Variants in C7 observed in about 807,000 individuals in gnomAD.
C7 encodes the protein complement component C7.
A neutral mutation model predicts 104.8 loss-of-function variants in C7; 83 were observed. That is an observed-to-expected ratio of 0.79 (90% CI 0.66 to 0.95). The LOEUF is 0.95. Among genes scored for constraint, C7 ranks in the 40% least tolerant of loss-of-function variants. The pLI is 0.00. For synonymous variants in C7, 415 were observed against 360.6 expected (o/e 1.15, Z -1.71); for missense variants, 1,070 against 1,011.2 (o/e 1.06, Z -0.79).
chr5:40,952,443 T>TA (rs972054658), intron 9 of C7, among the ~76,000 whole-genome samples: 1 of 151,756 alleles, frequency 6.6e-6, no homozygotes, highest in East Asian at 1.9e-4. Flanking sequence ...GCTAAAGCCT[T>TA]AAAAAAACAT....
At chr5:40,931,272 G>C in intron 3 of C7, 133 bp downstream of exon 3, 1 of 661,400 alleles carries the variant, frequency 1.5e-6, no homozygotes, top group Non-Finnish European at 2.7e-6. Flanking sequence ...TAATTTTGAG[G>C]GGAGAAAAGT....
At chr5:40,931,240 T>C in intron 3 of C7, 101 bp downstream of exon 3, 1 of 821,546 alleles carries the variant, frequency 1.2e-6, no homozygotes, top group African/African-American at 1.7e-5. Context: ...ATAGTGTCAA[T>C]ATTTTTTGAA....
chr5:40,955,428 G>T lies in C7; in HGVS notation c.1135G>T (p.Gly379Trp), dbSNP rs121964921. 42 of 1,612,042 alleles carry T rather than the reference G, an allele frequency of 2.6e-5. No individual in the cohort carries two copies. The Admixed American group carries it at 6.0e-4, about 23-fold the overall frequency. The stretch of plus-strand genomic sequence containing the variant: ...ATTGCGAGGAGAACCGTTCATCAGA[G>T]GGGGAGGTGCAGGCTTCATATCTGG... The part of the protein sequence containing the change: ...NVLRGEPFIR[G>W]GGAGFISGLS... Residue 379 changes from glycine to tryptophan, a missense_variant, in exon 10 of 18, where the codon GGG (glycine) becomes TGG (tryptophan). Physicochemically the swap from Gly to Trp is radical, Grantham distance 184. Transcript: ENST00000313164.
chr5:40,964,513 A>G (rs1740501713), intron 13 of C7: 6 of 367,164 alleles, frequency 1.6e-5, no homozygotes, highest in Non-Finnish European at 2.5e-5. Flanking sequence ...GTATTTTGGG[A>G]GCAATCAATA....
At chr5:40,967,328 T>A (rs1740578725) in intron 14 of C7, among the ~76,000 whole-genome samples, 1 of 152,190 alleles carries the variant, frequency 6.6e-6, no homozygotes, top group African/African-American at 2.4e-5. Context: ...CCTCCCAAAG[T>A]GTTGAGATTA....
Position 40,981,777 on chromosome 5 carries a change from C to G in C7, c.*204C>G. 1 of 492,600 alleles carries G rather than the reference C, an allele frequency of 2.0e-6. No individual in the cohort carries two copies. Among genetic ancestry groups the G allele is most frequent in the Non-Finnish European group, 3.6e-6 (1 of 279,948 alleles). 30.5% of individuals were successfully genotyped at this position (492,600 alleles called of 1,614,324 possible). A position where few individuals can be genotyped will look rare whatever the true frequency, so the allele number is the denominator to read the frequency against. Reference sequence around the variant, plus strand: ...TACTCTTTTGCCTCCTTTTTAATGTCAGTAAGGATATGAGCCTTTGCACAG... The same window carrying G: ...TACTCTTTTGCCTCCTTTTTAATGTGAGTAAGGATATGAGCCTTTGCACAG... On this transcript the variant is annotated 3_prime_UTR_variant, in exon 18 of 18. Coordinates refer to ENST00000313164, the MANE Select transcript of C7 (RefSeq NM_000587.4).
At chr5:40,919,584 C>A (rs324064) in intron 1 of C7, among the ~76,000 whole-genome samples, 1 of 151,752 alleles carries the variant, frequency 6.6e-6, no homozygotes, top group Admixed American at 6.6e-5. Flanking sequence ...TATGACTGTG[C>A]GAGTGCACTC....
chr5:40,958,287 C>T (rs771713655), intron 11 of C7, 26 bp downstream of exon 11: 13 of 1,396,640 alleles, frequency 9.3e-6, no homozygotes, highest in Non-Finnish European at 1.3e-5. Context: ...TTTCTCTAGC[C>T]ACCCTGTACA....
At chr5:40,971,809 T>G (rs1321236814) in intron 14 of C7, among the ~76,000 whole-genome samples, 1 of 152,082 alleles carries the variant, frequency 6.6e-6, no homozygotes, top group Admixed American at 6.6e-5. Context: ...GCATATGGCT[T>G]GCCGGTTTTC....
At chr5:40,952,020 G>A (rs561740232) in intron 9 of C7, among the ~76,000 whole-genome samples, 49 of 152,302 alleles carry the variant, frequency 3.2e-4, no homozygotes, top group African/African-American at 1.1e-3. Context: ...TTTGAATGAA[G>A]TGGAAAAAGA....
chr5:40,913,087 T>C (rs770389496), intron 1 of C7, among the ~76,000 whole-genome samples: 1 of 152,188 alleles, frequency 6.6e-6, no homozygotes, highest in Non-Finnish European at 1.5e-5. Context: ...TTTCACTTAA[T>C]ATAATGGCCT....
chr5:40,965,924 C>G (rs1365054799), intron 14 of C7, among the ~76,000 whole-genome samples: 1 of 151,752 alleles, frequency 6.6e-6, no homozygotes, highest in Non-Finnish European at 1.5e-5. Context: ...ATTATAGGTG[C>G]GAGCTACTGT....
chr5:40,930,101 T>A (rs1561240708), intron 2 of C7, among the ~76,000 whole-genome samples: 1 of 152,182 alleles, frequency 6.6e-6, no homozygotes, highest in Admixed American at 6.5e-5. Flanking sequence ...ATTGAATGCA[T>A]TTCTGTTCTG....
chr5:40,966,141 G>A (rs775157657), intron 14 of C7, among the ~76,000 whole-genome samples: 2 of 151,244 alleles, frequency 1.3e-5, no homozygotes, highest in African/African-American at 4.9e-5. Context: ...AGGTTTTTGG[G>A]GAACAGATGG....
At chr5:40,969,614 A>G (rs1740646870) in intron 14 of C7, among the ~76,000 whole-genome samples, 1 of 152,112 alleles carries the variant, frequency 6.6e-6, no homozygotes, top group African/African-American at 2.4e-5. Flanking sequence ...AGGGATTCCA[A>G]CTGAAGGTAT....
chr5:40,974,324 G>C (rs1740766200), intron 15 of C7, among the ~76,000 whole-genome samples: 2 of 150,492 alleles, frequency 1.3e-5, no homozygotes, highest in South Asian at 4.2e-4. Context: ...TAACCAAGCT[G>C]TAAAGGCAAC....
chr5:40,968,598 ATATTTTTTTTTTTTTTTTTTT>A, intron 14 of C7, among the ~76,000 whole-genome samples: 1 of 22,060 alleles, frequency 4.5e-5, no homozygotes, highest in Admixed American at 5.8e-4. Flanking sequence ...ATATATATAT[ATATTTTTTTTTTTTTTTTTTT>A]TTTTTTTTTT....
intron 3 of C7, among the ~76,000 whole-genome samples, chr5:40,933,992 G>T (rs1349164287): frequency 6.8e-6 from 1 of 147,718 alleles, no homozygotes; most frequent in Non-Finnish European, 1.5e-5. Flanking sequence ...CTGGAGTGCA[G>T]TGGCATGATC....
At chr5:40,965,742 T>C (rs917108552) in intron 14 of C7, among the ~76,000 whole-genome samples, 2 of 151,374 alleles carry the variant, frequency 1.3e-5, no homozygotes, top group African/African-American at 2.4e-5. Context: ...CCCAGGTTCA[T>C]GTGATTCTTG....
Sources: gnomAD v4.1 joint callset for allele counts (sites outside exome capture counted in the v4.1 genomes callset) on GRCh38, gnomAD v4.1.1 for gene constraint, MANE v1.5 for transcripts, NCBI Gene and HGNC (gene_info 2026-07-23, HGNC 2026-07-21) for gene names.